Variants in XKR4 observed in about 807,000 individuals in gnomAD.
XKR4 encodes XK related 4.
In XKR4, 12 loss-of-function variants were observed where a neutral mutation model predicts 53.9. That is an observed-to-expected ratio of 0.22 (90% CI 0.14 to 0.36). The LOEUF is 0.36. Ranked by LOEUF, XKR4 falls within the 10% of genes least tolerant of loss-of-function variation. XKR4 has a pLI of 1.00. For synonymous variants in XKR4, 354 were observed against 362.4 expected, an observed-to-expected ratio of 0.98 and a Z score of 0.26; for missense variants, 799 against 859.5, an observed-to-expected ratio of 0.93 and a Z score of 0.88.
chr8:55,326,815 T>C (rs766463526), intron 1 of XKR4, among the ~76,000 whole-genome samples: 13 of 151,936 alleles, frequency 8.6e-5, no homozygotes, highest in East Asian at 1.9e-4. Flanking sequence ...ATTTGAGTTA[T>C]GAGCTTAGGC....
chr8:55,262,482 G>A (rs1818539712), intron 1 of XKR4, among the ~76,000 whole-genome samples: 1 of 152,226 alleles, frequency 6.6e-6, no homozygotes, highest in Admixed American at 6.5e-5. Context: ...GTTTAGTTAA[G>A]GGCAGGAAGG....
At chr8:55,452,686 C>G in intron 2 of XKR4, 5 of 1,424,460 alleles carry the variant, frequency 3.5e-6, no homozygotes, top group Non-Finnish European at 4.9e-6. Flanking sequence ...CAGACCTTGT[C>G]CACAAAGCGG....
intron 1 of XKR4, among the ~76,000 whole-genome samples, chr8:55,274,621 C>T (rs181418345): frequency 1.8e-3 from 270 of 152,104 alleles, no homozygotes; most frequent in Non-Finnish European, 3.1e-3. Context: ...TCAGTAGAGA[C>T]GGGGTCTCAC....
At chr8:55,224,402 G>C (rs1817925423) in intron 1 of XKR4, among the ~76,000 whole-genome samples, 1 of 152,130 alleles carries the variant, frequency 6.6e-6, no homozygotes, top group Admixed American at 6.5e-5. Context: ...GATATATTAA[G>C]ATAGAAAATT....
At chr8:55,355,178 A>G (rs960444609) in intron 1 of XKR4, among the ~76,000 whole-genome samples, 1 of 152,088 alleles carries the variant, frequency 6.6e-6, no homozygotes, top group African/African-American at 2.4e-5. Flanking sequence ...TGCTGGGATT[A>G]CAGGTGTGAG....
chr8:55,479,209 A>T (rs1368822998), intron 2 of XKR4, among the ~76,000 whole-genome samples: 3 of 152,150 alleles, frequency 2.0e-5, no homozygotes, highest in Non-Finnish European at 4.4e-5. Flanking sequence ...CTCTCAGACC[A>T]CAGTGCAATC....
rs1816075832 is a variant in XKR4, at chr8:55,103,040, C to CGGAT, written c.552_553insGGAT (p.Cys185GlyfsTer35). 6.2e-7 allele frequency: 1 copy of CGGAT among 1,612,552 alleles called. No individual in the cohort carries two copies. The highest frequency in any genetic ancestry group is 1.1e-5 in the South Asian group (1 of 91,042). ...GCGCCACGGCCGCTGCTGCCTCCAG[C>CGGAT]TGCCCGCAGCCTGGAGCCGATTGCA... On this transcript the variant is annotated frameshift_variant, in exon 1 of 3. Transcript: ENST00000327381. LOFTEE classifies it high-confidence loss of function.
intron 2 of XKR4, chr8:55,454,801 C>T (rs554887913): frequency 1.9e-5 from 15 of 771,386 alleles, no homozygotes; most frequent in African/African-American, 5.1e-5. Context: ...GGCAGATGGG[C>T]AGGCTCTGTG....
chr8:55,466,322 C>A (rs1349972765), intron 2 of XKR4, among the ~76,000 whole-genome samples: 3 of 152,018 alleles, frequency 2.0e-5, no homozygotes, highest in Admixed American at 1.3e-4. Context: ...ATGATGAGTT[C>A]ATGTCCTTTG....
chr8:55,474,379 G>C (rs1479290093), intron 2 of XKR4, among the ~76,000 whole-genome samples: 2 of 152,228 alleles, frequency 1.3e-5, no homozygotes, highest in Non-Finnish European at 2.9e-5. Context: ...TCTCTATAGA[G>C]AGTTAAAAAT....
chr8:55,490,237 C>T (rs921290662), intron 2 of XKR4, among the ~76,000 whole-genome samples: 11 of 152,060 alleles, frequency 7.2e-5, no homozygotes, highest in Non-Finnish European at 1.2e-4. Context: ...GAATACTATG[C>T]AGCCATAAAA....
intron 1 of XKR4, among the ~76,000 whole-genome samples, chr8:55,312,671 A>T (rs1281873651): frequency 2.0e-5 from 3 of 152,234 alleles, no homozygotes; most frequent in African/African-American, 7.2e-5. Flanking sequence ...ATTAACGCCC[A>T]TCAAGATCTT....
In XKR4 at chr8:55,107,616, G is replaced by A. The variant is rs148894189; in HGVS notation, c.806+4322G>A. Among the ~76,000 whole-genome samples, 338 of 152,206 alleles carry A rather than the reference G, an allele frequency of 2.2e-3. 1 individual carries two copies. The highest frequency in any genetic ancestry group is 7.7e-3 in the African/African-American group (321 of 41,528). On this transcript the variant is annotated intron_variant, in intron 1 of 2. Coordinates refer to ENST00000327381, the MANE Select transcript of XKR4 (RefSeq NM_052898.2). ...AATCCCAGCTAAGGAACATGATCTCGTAGTAGTTTTAATGATTACATGGCA... is the reference window on the plus strand; with the variant it reads ...AATCCCAGCTAAGGAACATGATCTCATAGTAGTTTTAATGATTACATGGCA...
At chr8:55,273,326 T>C (rs770242106) in intron 1 of XKR4, among the ~76,000 whole-genome samples, 3 of 152,226 alleles carry the variant, frequency 2.0e-5, no homozygotes, top group Non-Finnish European at 4.4e-5. Context: ...ACCTCCAAGC[T>C]GTCCTTATTC....
At chr8:55,252,130 G>A (rs1299868811) in intron 1 of XKR4, among the ~76,000 whole-genome samples, 1 of 152,194 alleles carries the variant, frequency 6.6e-6, no homozygotes, top group African/African-American at 2.4e-5. Context: ...TTTAAATTAT[G>A]TGCATTTGTA....
intron 2 of XKR4, chr8:55,450,281 C>T: frequency 1.4e-6 from 1 of 709,046 alleles, no homozygotes; most frequent in South Asian, 1.7e-5. Flanking sequence ...CGAGCCAGTT[C>T]CCAGTCATAG....
intron 2 of XKR4, among the ~76,000 whole-genome samples, chr8:55,367,910 G>A (rs1000790410): frequency 1.3e-5 from 2 of 151,982 alleles, no homozygotes; most frequent in South Asian, 2.1e-4. Context: ...TTTTCCCACA[G>A]CCTACTTGCC....
At chr8:55,487,902 G>A (rs1050729276) in intron 2 of XKR4, among the ~76,000 whole-genome samples, 5 of 152,232 alleles carry the variant, frequency 3.3e-5, no homozygotes, top group Admixed American at 1.3e-4. Context: ...TAATAGTTCC[G>A]CTTAACATGA....
intron 1 of XKR4, among the ~76,000 whole-genome samples, chr8:55,135,889 CTT>C (rs71256514): frequency 3.1e-4 from 45 of 146,076 alleles, no homozygotes; most frequent in East Asian, 4.1e-4. Context: ...AACATGCTCA[CTT>C]TTTTTTTTTT....
Sources: gnomAD v4.1 joint callset for allele counts (sites outside exome capture counted in the v4.1 genomes callset) on GRCh38, gnomAD v4.1.1 for gene constraint, MANE v1.5 for transcripts, NCBI Gene and HGNC (gene_info 2026-07-23, HGNC 2026-07-21) for gene names.